Variants in PDE3A observed in about 807,000 individuals in gnomAD.
The protein encoded by PDE3A is phosphodiesterase 3A, also known as cGMP-inhibited 3',5'-cyclic phosphodiesterase 3A.
In PDE3A, 43 loss-of-function variants were observed where a neutral mutation model predicts 98.3. The ratio of observed to expected loss-of-function variants is 0.44; its 90% CI spans 0.34 to 0.56. The LOEUF is 0.56. Among genes scored for constraint, PDE3A ranks in the 20% least tolerant of loss-of-function variants. The pLI is 0.01. For missense variants in PDE3A, 1,427 were observed against 1,440.7 expected, an observed-to-expected ratio of 0.99 and a Z score of 0.15; for synonymous variants, 663 against 567.9, an observed-to-expected ratio of 1.17 and a Z score of -2.38.
chr12:20,660,815 C>G (rs1945150792), intron 15 of PDE3A, among the ~76,000 whole-genome samples: 1 of 152,082 alleles, frequency 6.6e-6, no homozygotes, highest in Non-Finnish European at 1.5e-5. Context: ...GTAAATTGCC[C>G]AGTCTCAGGT....
At chr12:20,383,294 G>A (rs1388607893) in intron 1 of PDE3A, among the ~76,000 whole-genome samples, 1 of 151,792 alleles carries the variant, frequency 6.6e-6, no homozygotes, top group Non-Finnish European at 1.5e-5. Flanking sequence ...AAAAATTTTA[G>A]TTTCATTTTT....
chr12:20,410,990 C>T (rs1174322529), intron 1 of PDE3A, among the ~76,000 whole-genome samples: 1 of 152,202 alleles, frequency 6.6e-6, no homozygotes, highest in Non-Finnish European at 1.5e-5. Flanking sequence ...GCTCTTCTGC[C>T]TTGTCAGGCT....
intron 4 of PDE3A, among the ~76,000 whole-genome samples, chr12:20,617,869 T>C (rs1029761822): frequency 2.0e-5 from 3 of 152,150 alleles, no homozygotes; most frequent in African/African-American, 7.2e-5. Context: ...AGGGTTTAAA[T>C]TGAAATGATG....
At chr12:20,405,034 A>G (rs191890899) in intron 1 of PDE3A, among the ~76,000 whole-genome samples, 13 of 152,206 alleles carry the variant, frequency 8.5e-5, no homozygotes, top group Admixed American at 2.0e-4. Context: ...GAATGAATAT[A>G]GGATCAGTGT....
intron 1 of PDE3A, among the ~76,000 whole-genome samples, chr12:20,477,253 G>T (rs755941510): frequency 1.3e-5 from 2 of 152,176 alleles, no homozygotes; most frequent in Non-Finnish European, 2.9e-5. Context: ...GACTAAGATT[G>T]CCTGTGAAAT....
chr12:20,651,633 C>T (rs751717122), intron 14 of PDE3A, among the ~76,000 whole-genome samples: 9 of 151,992 alleles, frequency 5.9e-5, no homozygotes, highest in Non-Finnish European at 8.8e-5. Context: ...ATTTATATTG[C>T]TAAAGGTATC....
At chr12:20,452,163 C>A (rs1344547945) in intron 1 of PDE3A, among the ~76,000 whole-genome samples, 1 of 152,206 alleles carries the variant, frequency 6.6e-6, no homozygotes, top group Non-Finnish European at 1.5e-5. Flanking sequence ...CCTCTGCATG[C>A]ATCAGACTAG....
chr12:20,403,484 A>G (rs145211130), intron 1 of PDE3A, among the ~76,000 whole-genome samples: 5 of 152,142 alleles, frequency 3.3e-5, no homozygotes, highest in African/African-American at 1.2e-4. Flanking sequence ...GTGACAGTAT[A>G]TTTTTCCTGT....
chr12:20,396,775 G>A (rs1944027654), intron 1 of PDE3A, among the ~76,000 whole-genome samples: 2 of 152,150 alleles, frequency 1.3e-5, no homozygotes, highest in South Asian at 4.1e-4. Flanking sequence ...GGGTTAGTTT[G>A]CCACAGTTCA....
intron 1 of PDE3A, among the ~76,000 whole-genome samples, chr12:20,418,113 A>G (rs1277249211): frequency 2.0e-5 from 3 of 152,080 alleles, no homozygotes; most frequent in African/African-American, 4.8e-5. Flanking sequence ...TGTCCTCCAC[A>G]ACAGACTTCT....
chr12:20,642,266 A>C (rs1348222787), intron 10 of PDE3A, among the ~76,000 whole-genome samples: 1 of 152,140 alleles, frequency 6.6e-6, no homozygotes, highest in Non-Finnish European at 1.5e-5. Context: ...AAGCTTTTAA[A>C]TTTGTAATTA....
chr12:20,675,509 G>A (rs1477660687), intron 15 of PDE3A, among the ~76,000 whole-genome samples: 2 of 152,136 alleles, frequency 1.3e-5, no homozygotes, highest in African/African-American at 4.8e-5. Flanking sequence ...GTGGGATGTT[G>A]AATTCCTCAA....
chr12:20,513,557 C>T (rs1028169943), intron 1 of PDE3A, among the ~76,000 whole-genome samples: 1 of 152,126 alleles, frequency 6.6e-6, no homozygotes, highest in African/African-American at 2.4e-5. Flanking sequence ...AATCTACAAA[C>T]TGTTGGATGT....
chr12:20,412,902 A>C (rs1480983933), intron 1 of PDE3A, among the ~76,000 whole-genome samples: 1 of 152,170 alleles, frequency 6.6e-6, no homozygotes, highest in African/African-American at 2.4e-5. Flanking sequence ...AAATACTGTA[A>C]TAAGAGTGAG....
chr12:20,452,501 G>T (rs1327347303), intron 1 of PDE3A, among the ~76,000 whole-genome samples: 6 of 152,102 alleles, frequency 3.9e-5, no homozygotes, highest in African/African-American at 1.4e-4. Flanking sequence ...TTCAGATTAG[G>T]ATTCTTGTTT....
At chr12:20,649,584 TAA>T (rs1237248804) in intron 13 of PDE3A, among the ~76,000 whole-genome samples, 15 of 152,274 alleles carry the variant, frequency 9.9e-5, no homozygotes, top group Admixed American at 3.3e-4. Context: ...GCCCAAATAT[TAA>T]GTTATGACAA....
chr12:20,493,116 G>A (rs1022394320), intron 1 of PDE3A, among the ~76,000 whole-genome samples: 1 of 152,070 alleles, frequency 6.6e-6, no homozygotes, highest in Admixed American at 6.5e-5. Context: ...AAATTAGTCA[G>A]CAAATATTGT....
chr12:20,508,556 C>A (rs976640489), intron 1 of PDE3A, among the ~76,000 whole-genome samples: 17 of 151,862 alleles, frequency 1.1e-4, no homozygotes, highest in Non-Finnish European at 1.8e-4. Context: ...TCTTAGAGTT[C>A]TTTCATTTCA....
At chr12:20,519,432 T>C (rs1946381794) in intron 1 of PDE3A, among the ~76,000 whole-genome samples, 1 of 152,218 alleles carries the variant, frequency 6.6e-6, no homozygotes, top group Non-Finnish European at 1.5e-5. Context: ...AAGGAATATA[T>C]ATCTCAATTT....
Sources: allele counts gnomAD v4.1 joint callset (sites outside exome capture counted in the v4.1 genomes callset), GRCh38; gene constraint gnomAD v4.1.1; transcripts MANE v1.5; gene names NCBI Gene and HGNC (gene_info 2026-07-23, HGNC 2026-07-21).